The following CNTN4 variants were observed in gnomAD, a reference collection of about 807,000 sequenced individuals.
The protein encoded by CNTN4 is contactin 4.
In CNTN4, 77 loss-of-function variants were observed where a neutral mutation model predicts 122.5. That is an observed-to-expected ratio of 0.63 (90% CI 0.52 to 0.76). CNTN4 has a LOEUF of 0.76. Ranked by LOEUF, CNTN4 falls within the 30% of genes least tolerant of loss-of-function variation. CNTN4 has a pLI of 0.00. For missense variants in CNTN4, 1,256 were observed against 1,259.1 expected, an observed-to-expected ratio of 1.00 and a Z score of 0.04; for synonymous variants, 512 against 447.0, an observed-to-expected ratio of 1.15 and a Z score of -1.83.
intron 6 of CNTN4, among the ~76,000 whole-genome samples, chr3:2,764,969 C>G (rs2149719351): frequency 6.6e-6 from 1 of 152,256 alleles, no homozygotes; most frequent in East Asian, 1.9e-4. Context: ...GACTTCAGTA[C>G]TTGAATTATT....
At chr3:2,190,806 GCACACA>G (rs34364522) in intron 2 of CNTN4, among the ~76,000 whole-genome samples, 376 of 147,604 alleles carry the variant, frequency 2.5e-3, no homozygotes, top group Middle Eastern at 3.5e-3. Flanking sequence ...AGGACTTTAT[GCACACA>G]CACACACACA....
chr3:2,832,595 T>G (rs982234636), intron 7 of CNTN4, among the ~76,000 whole-genome samples: 1 of 152,110 alleles, frequency 6.6e-6, no homozygotes, highest in East Asian at 1.9e-4. Flanking sequence ...TGTATGTAAG[T>G]CTGGAGTGGA....
chr3:2,910,295 G>T (rs1365681850), intron 12 of CNTN4, among the ~76,000 whole-genome samples: 1 of 152,156 alleles, frequency 6.6e-6, no homozygotes, highest in African/African-American at 2.4e-5. Flanking sequence ...TATTACTCTA[G>T]AATGCAGCCT....
intron 6 of CNTN4, among the ~76,000 whole-genome samples, chr3:2,759,386 A>G (rs2090484341): frequency 6.6e-6 from 1 of 152,114 alleles, no homozygotes; most frequent in Non-Finnish European, 1.5e-5. Flanking sequence ...ACCTCAGGTG[A>G]TCTGCCCGCC....
At chr3:2,457,386 A>G (rs2049041929) in intron 3 of CNTN4, among the ~76,000 whole-genome samples, 1 of 152,180 alleles carries the variant, frequency 6.6e-6, no homozygotes, top group African/African-American at 2.4e-5. Flanking sequence ...AACAAACAAC[A>G]AAAAACAAGC....
At chr3:2,541,277 A>T (rs1252203094) in intron 3 of CNTN4, among the ~76,000 whole-genome samples, 1 of 152,076 alleles carries the variant, frequency 6.6e-6, no homozygotes, top group Non-Finnish European at 1.5e-5. Flanking sequence ...CACTTTCCTT[A>T]GTTTTTTTCT....
intron 3 of CNTN4, among the ~76,000 whole-genome samples, chr3:2,412,088 T>C (rs1038759522): frequency 3.3e-5 from 5 of 152,212 alleles, no homozygotes; most frequent in African/African-American, 1.2e-4. Flanking sequence ...TACTGTTTTA[T>C]GTCTGGCTTA....
chr3:2,747,100 A>AAC (rs1300587378), intron 6 of CNTN4, among the ~76,000 whole-genome samples: 1 of 151,568 alleles, frequency 6.6e-6, no homozygotes, highest in Non-Finnish European at 1.5e-5. Context: ...ACCAAAAAAA[A>AAC]AAAAATGGAG....
chr3:2,623,237 T>C (rs1248231594), intron 4 of CNTN4, among the ~76,000 whole-genome samples: 2 of 151,998 alleles, frequency 1.3e-5, no homozygotes, highest in Non-Finnish European at 2.9e-5. Context: ...ACTAATTTTT[T>C]TTTTTTTCAT....
intron 6 of CNTN4, among the ~76,000 whole-genome samples, chr3:2,795,349 A>G (rs1420306506): frequency 6.6e-6 from 1 of 152,084 alleles, no homozygotes; most frequent in Non-Finnish European, 1.5e-5. Context: ...CTCTCCAAAA[A>G]ACATGGAAAG....
intron 3 of CNTN4, among the ~76,000 whole-genome samples, chr3:2,421,273 C>T (rs1201509274): frequency 2.9e-5 from 4 of 139,636 alleles, no homozygotes; most frequent in Admixed American, 2.2e-4. Context: ...TTTTCCTTGA[C>T]TAGGAGTCTG....
chr3:2,524,590 G>A (rs376689647), intron 3 of CNTN4, among the ~76,000 whole-genome samples: 4 of 152,050 alleles, frequency 2.6e-5, no homozygotes, highest in African/African-American at 4.8e-5. Flanking sequence ...GGCTATAAAC[G>A]AAAATGCTTC....
At chr3:2,891,767 GCA>G (rs942208407) in intron 10 of CNTN4, among the ~76,000 whole-genome samples, 53 of 152,298 alleles carry the variant, frequency 3.5e-4, no homozygotes, top group African/African-American at 1.1e-3. Flanking sequence ...TGTAAGCCAG[GCA>G]CAGAGTTTGG....
chr3:2,658,950 CCACA>C (rs201868102), intron 4 of CNTN4, among the ~76,000 whole-genome samples: 1 of 120,320 alleles, frequency 8.3e-6, no homozygotes, highest in African/African-American at 3.4e-5. Context: ...AATAACACAC[CCACA>C]CACACAAACA....
intron 6 of CNTN4, among the ~76,000 whole-genome samples, chr3:2,747,726 G>A (rs1024795676): frequency 6.6e-6 from 1 of 152,200 alleles, no homozygotes; most frequent in Non-Finnish European, 1.5e-5. Flanking sequence ...CTTCATGTGT[G>A]ATGTAGGCAT....
At chr3:2,774,585 G>A (rs530068300) in intron 6 of CNTN4, among the ~76,000 whole-genome samples, 1 of 152,200 alleles carries the variant, frequency 6.6e-6, no homozygotes, top group South Asian at 2.1e-4. Flanking sequence ...GATAGCTTAT[G>A]TATTTTCAGT....
At chr3:2,174,110 A>G (rs1013463474) in intron 2 of CNTN4, among the ~76,000 whole-genome samples, 2 of 152,170 alleles carry the variant, frequency 1.3e-5, no homozygotes, top group Non-Finnish European at 2.9e-5. Context: ...AGGGAATGAT[A>G]AGGCCCACAT....
At chr3:2,570,847 T>C (rs1184124886) in intron 3 of CNTN4, among the ~76,000 whole-genome samples, 1 of 152,198 alleles carries the variant, frequency 6.6e-6, no homozygotes, top group Non-Finnish European at 1.5e-5. Context: ...CAGCTACTGA[T>C]AGCTGTTTGG....
intron 14 of CNTN4, among the ~76,000 whole-genome samples, chr3:3,010,520 C>G (rs1366655391): frequency 4.0e-5 from 6 of 151,268 alleles, no homozygotes; most frequent in African/African-American, 7.3e-5. Context: ...TTAGAAGGTT[C>G]CTAGGACTCT....
Sources: gnomAD v4.1 joint callset for allele counts (sites outside exome capture counted in the v4.1 genomes callset) on GRCh38, gnomAD v4.1.1 for gene constraint, MANE v1.5 for transcripts, NCBI Gene and HGNC (gene_info 2026-07-23, HGNC 2026-07-21) for gene names.